ITPR2: variants seen among roughly 807,000 people sequenced by gnomAD.
The protein encoded by ITPR2 is inositol 1,4,5-trisphosphate receptor type 2, also known as inositol 1,4,5-trisphosphate-gated calcium channel ITPR2.
In ITPR2, 207 loss-of-function variants were observed where a neutral mutation model predicts 317.1. The ratio of observed to expected loss-of-function variants is 0.65; its 90% CI spans 0.58 to 0.73. ITPR2 has a LOEUF of 0.73. ITPR2 is among the 30% of genes least tolerant of loss of function. The pLI is 0.00. For missense variants in ITPR2, 2,613 were observed against 3,284.0 expected, an observed-to-expected ratio of 0.80 and a Z score of 4.99; for synonymous variants, 1,156 against 1,149.1, an observed-to-expected ratio of 1.01 and a Z score of -0.12.
intron 15 of ITPR2, among the ~76,000 whole-genome samples, chr12:26,661,988 T>G (rs920507545): frequency 6.6e-6 from 1 of 152,208 alleles, no homozygotes; most frequent in Non-Finnish European, 1.5e-5. Flanking sequence ...GTGACAGCAT[T>G]TGGATCAGCA....
At position 26,722,365 on chromosome 12, in the gene ITPR2, C is replaced by T. The variant is rs371432870; in HGVS notation, c.525+32G>A. 5.5e-5 allele frequency: 84 copies of T among 1,536,960 alleles called. No homozygotes were observed. In the African/African-American group the frequency reaches 1.0e-3, roughly 18 times the overall value. ...TTAGGAATCATTTTCTTTATGAACC[C>T]ACTATTTCCCTCTTAATTGTATATT... On this transcript the variant is annotated intron_variant, in intron 5 of 56. Transcript: ENST00000381340.
chr12:26,529,575 T>C (rs1194932281), intron 37 of ITPR2, among the ~76,000 whole-genome samples: 1 of 152,190 alleles, frequency 6.6e-6, no homozygotes, highest in African/African-American at 2.4e-5. Flanking sequence ...AGCAGAATAA[T>C]TTCCTATTAA....
intron 55 of ITPR2, among the ~76,000 whole-genome samples, chr12:26,342,320 A>C (rs748144524): frequency 4.6e-5 from 7 of 152,052 alleles, no homozygotes; most frequent in Non-Finnish European, 5.9e-5. Context: ...CAATTCTGTG[A>C]ACTTAGGTTC....
intron 2 of ITPR2, among the ~76,000 whole-genome samples, chr12:26,735,203 T>C (rs183034127): frequency 6.6e-6 from 1 of 152,236 alleles, no homozygotes; most frequent in East Asian, 1.9e-4. Flanking sequence ...GGTTTCACCA[T>C]GTTAGCCAGG....
chr12:26,370,088 T>C (rs1382139103), intron 55 of ITPR2, among the ~76,000 whole-genome samples: 2 of 152,162 alleles, frequency 1.3e-5, no homozygotes, highest in African/African-American at 2.4e-5. Context: ...ATCTGTGTCC[T>C]TTATAATAAA....
At chr12:26,353,873 A>G (rs1938553756) in intron 55 of ITPR2, among the ~76,000 whole-genome samples, 1 of 152,152 alleles carries the variant, frequency 6.6e-6, no homozygotes, top group Non-Finnish European at 1.5e-5. Flanking sequence ...TCTATATACA[A>G]TGACTATACA....
chr12:26,781,482 T>C (rs925333115), intron 2 of ITPR2, among the ~76,000 whole-genome samples: 1 of 152,228 alleles, frequency 6.6e-6, no homozygotes. Flanking sequence ...TATGTAATAG[T>C]ATTTGGGCTG....
rs145473011 is a variant in ITPR2, at chr12:26,794,342, C to T, written c.93-4115G>A. Among the ~76,000 whole-genome samples the T allele has an allele frequency of 5.8e-3, 884 of 152,212 alleles. 4 individuals are homozygous for T. Among genetic ancestry groups the T allele is most frequent in the Non-Finnish European group, 6.8e-3 (460 of 67,986 alleles). On this transcript the variant is annotated intron_variant, in intron 1 of 56. Coordinates refer to ENST00000381340, the MANE Select transcript of ITPR2 (RefSeq NM_002223.4). ...GATACTTTGTCAAAAATAAAGTATA[C>T]TATTAATTATTTTCACAAATGCCAA...
chr12:26,795,149 A>G (rs1478599437), intron 1 of ITPR2, among the ~76,000 whole-genome samples: 2 of 152,250 alleles, frequency 1.3e-5, no homozygotes, highest in Non-Finnish European at 2.9e-5. Context: ...TGCCATATCT[A>G]GAAACTCAAC....
intron 35 of ITPR2, among the ~76,000 whole-genome samples, chr12:26,559,611 G>T (rs954926772): frequency 2.0e-5 from 3 of 152,084 alleles, no homozygotes; most frequent in Non-Finnish European, 2.9e-5. Flanking sequence ...AATTTGGGGT[G>T]GGGGAGGACA....
At chr12:26,439,078 T>TTATC in intron 47 of ITPR2, 49 bp downstream of exon 47, 3 of 1,194,178 alleles carry the variant, frequency 2.5e-6, no homozygotes, top group Non-Finnish European at 3.6e-6. Context: ...AAGTACCAAA[T>TTATC]TATCTACCAC....
chr12:26,774,909 C>G (rs1030789671), intron 2 of ITPR2, among the ~76,000 whole-genome samples: 1 of 152,190 alleles, frequency 6.6e-6, no homozygotes, highest in Non-Finnish European at 1.5e-5. Flanking sequence ...TGGAAGTTGG[C>G]CCCAGCCTTC....
chr12:26,821,950 T>G (rs1314151930), intron 1 of ITPR2, among the ~76,000 whole-genome samples: 1 of 152,210 alleles, frequency 6.6e-6, no homozygotes, highest in Non-Finnish European at 1.5e-5. Flanking sequence ...GTTTTGGGTT[T>G]TTGTCAGGTT....
intron 37 of ITPR2, among the ~76,000 whole-genome samples, chr12:26,547,110 A>C (rs930993602): frequency 1.3e-5 from 2 of 152,224 alleles, no homozygotes; most frequent in African/African-American, 4.8e-5. Context: ...CAGAGTGAAG[A>C]GACAACCTGT....
At chr12:26,597,477 A>C (rs1179651635) in intron 30 of ITPR2, among the ~76,000 whole-genome samples, 1 of 152,230 alleles carries the variant, frequency 6.6e-6, no homozygotes, top group Non-Finnish European at 1.5e-5. Flanking sequence ...TCCATGGCCA[A>C]AGCACAAGAA....
chr12:26,638,195 T>C (rs1045009855), intron 21 of ITPR2, among the ~76,000 whole-genome samples: 2 of 152,208 alleles, frequency 1.3e-5, no homozygotes, highest in East Asian at 1.9e-4. Context: ...CTGTCAAATA[T>C]TGACAAAGTC....
chr12:26,471,672 A>C (rs1942294207), intron 45 of ITPR2, among the ~76,000 whole-genome samples: 1 of 152,198 alleles, frequency 6.6e-6, no homozygotes, highest in East Asian at 1.9e-4. Context: ...AACAACAAAA[A>C]TTGAAAGTCT....
chr12:26,391,178 T>A (rs1939822986), intron 54 of ITPR2, among the ~76,000 whole-genome samples: 1 of 152,232 alleles, frequency 6.6e-6, no homozygotes, highest in Non-Finnish European at 1.5e-5. Context: ...TATAAAGATG[T>A]CTAAATATGC....
intron 54 of ITPR2, among the ~76,000 whole-genome samples, chr12:26,396,666 G>T (rs1940009303): frequency 6.6e-6 from 1 of 152,116 alleles, no homozygotes; most frequent in South Asian, 2.1e-4. Context: ...ATAGGCTGAG[G>T]ATTCCCCAGT....
Sources: gnomAD v4.1 joint callset for allele counts (sites outside exome capture counted in the v4.1 genomes callset) on GRCh38, gnomAD v4.1.1 for gene constraint, MANE v1.5 for transcripts, NCBI Gene and HGNC (gene_info 2026-07-23, HGNC 2026-07-21) for gene names.